AKR1A1: variants seen among roughly 807,000 people sequenced by gnomAD.
AKR1A1 encodes HEL-S-165mP.
AKR1A1 carries 26 observed loss-of-function variants against 39.2 expected under a neutral mutation model. The ratio of observed to expected loss-of-function variants is 0.66; its 90% CI spans 0.49 to 0.92. The LOEUF (loss-of-function observed/expected upper bound fraction) is 0.92. Ranked by LOEUF, AKR1A1 falls within the 40% of genes least tolerant of loss-of-function variation. The pLI is 0.00. For missense variants in AKR1A1, 378 were observed against 406.5 expected, an observed-to-expected ratio of 0.93 and a Z score of 0.60; for synonymous variants, 141 against 155.5, an observed-to-expected ratio of 0.91 and a Z score of 0.69.
chr1:45,561,267 C>T (rs1192354626), intron 1 of AKR1A1, among the ~76,000 whole-genome samples: 1 of 152,176 alleles, frequency 6.6e-6, no homozygotes, highest in African/African-American at 2.4e-5. Flanking sequence ...GAAGGGCAGC[C>T]AGGCTGGTGG....
chr1:45,561,751 C>G (rs1387653868), intron 1 of AKR1A1, 38 bp from the exon 2 acceptor site: 1 of 1,599,968 alleles, frequency 6.3e-7, no homozygotes, highest in Non-Finnish European at 8.6e-7. Context: ...AACAACAGCA[C>G]TAACCCCAAC....
chr1:45,557,146 C>T (rs868137268), intron 1 of AKR1A1, among the ~76,000 whole-genome samples: 29 of 151,932 alleles, frequency 1.9e-4, no homozygotes, highest in Middle Eastern at 6.8e-3. Flanking sequence ...GCCAAGATCG[C>T]GCCATTGCAC....
intron 6 of AKR1A1, 27 bp downstream of exon 6, chr1:45,568,711 C>T: frequency 3.1e-6 from 5 of 1,612,006 alleles, no homozygotes; most frequent in Non-Finnish European, 4.2e-6. Flanking sequence ...GGGAGAGGGC[C>T]CTGGGTTGGG....
intron 2 of AKR1A1, among the ~76,000 whole-genome samples, chr1:45,564,984 A>G (rs1299621663): frequency 6.6e-6 from 1 of 151,344 alleles, no homozygotes; most frequent in Admixed American, 6.6e-5. Context: ...TACCACGCCC[A>G]GCTAATTTTT....
intron 1 of AKR1A1, among the ~76,000 whole-genome samples, chr1:45,554,782 C>G (rs1304224173): frequency 2.0e-5 from 3 of 152,154 alleles, no homozygotes; most frequent in Non-Finnish European, 4.4e-5. Context: ...CCTCTGCCCC[C>G]CAGGCTCAAG....
chr1:45,553,203 C>G lies in AKR1A1; in HGVS notation c.-7+2048C>G, dbSNP rs183932656. Among the ~76,000 whole-genome samples the G allele has an allele frequency of 9.9e-5, 15 of 151,836 alleles. No homozygotes were observed. The East Asian group carries it at 1.4e-3, about 14-fold the overall frequency. On this transcript the variant is annotated intron_variant, in intron 1 of 8. Transcript: ENST00000351829. ...CTTCGGGAGGCTGAGGCGGGCAGATCACGAGGTCAAGAGATGGAGACCATC... is the reference window on the plus strand; with the variant it reads ...CTTCGGGAGGCTGAGGCGGGCAGATGACGAGGTCAAGAGATGGAGACCATC...
Position 45,565,368 on chromosome 1 carries a change from G to C in AKR1A1, c.85-1201G>C, listed in dbSNP as rs561063871. ...TGGTCTCAAACTCCCGACCTCAGGT[G>C]ATCCACCCACCTCGGCCTCCCAAAG... On this transcript the variant is annotated intron_variant, in intron 2 of 8. Transcript: ENST00000351829. Among the ~76,000 whole-genome samples, 152 of 151,986 alleles carry C rather than the reference G, an allele frequency of 1.0e-3. 2 individuals are homozygous for C. Among genetic ancestry groups the C allele is most frequent in the African/African-American group, 3.6e-3 (150 of 41,460 alleles).
intron 8 of AKR1A1, 128 bp downstream of exon 8, chr1:45,569,357 ACATAGTGCCCT>A (rs1250508883): frequency 1.2e-5 from 9 of 755,678 alleles, no homozygotes; most frequent in Non-Finnish European, 1.8e-5. Context: ...GCTATGCTGG[ACATAGTGCCCT>A]CATTTCTCTT....
At chr1:45,561,739 T>C in intron 1 of AKR1A1, 50 bp from the exon 2 acceptor site, 1 of 1,579,518 alleles carries the variant, frequency 6.3e-7, no homozygotes, top group South Asian at 1.1e-5. Context: ...ATCTGAGACC[T>C]GAACAACAGC....
chr1:45,566,864 A>G lies in AKR1A1; in HGVS notation c.205-5A>G, dbSNP rs1372411673. Reference sequence around the variant, plus strand: ...TCTCACTGTGGGCCCTGCCCCCTGCACTAGGCGGTGCCTCGGGAGGAGCTG... The same window carrying G: ...TCTCACTGTGGGCCCTGCCCCCTGCGCTAGGCGGTGCCTCGGGAGGAGCTG... On this transcript the variant is annotated splice_polypyrimidine_tract_variant and splice_region_variant and intron_variant, in intron 3 of 8. Transcript: ENST00000351829. 2 of 1,613,676 alleles carry G rather than the reference A, an allele frequency of 1.2e-6. No individual in the cohort carries two copies. The highest frequency in any genetic ancestry group is 1.1e-5 in the South Asian group (1 of 91,030).
intron 1 of AKR1A1, among the ~76,000 whole-genome samples, chr1:45,552,862 T>C (rs529848604): frequency 6.6e-6 from 1 of 152,228 alleles, no homozygotes; most frequent in East Asian, 1.9e-4. Flanking sequence ...CAGTGGCTCA[T>C]GCCTGTAATC....
intron 1 of AKR1A1, among the ~76,000 whole-genome samples, chr1:45,557,927 T>TTTTTTTTTTTTTTA (rs1644227267): frequency 3.4e-5 from 5 of 148,248 alleles, no homozygotes; most frequent in East Asian, 2.0e-4. Flanking sequence ...TTTTTTTTTT[T>TTTTTTTTTTTTTTA]GAGATGGAGC....
At position 45,568,681 on chromosome 1, in the gene AKR1A1, T is replaced by C; in HGVS notation, c.749T>C (p.Leu250Pro). 1 of 1,613,406 alleles carries C rather than the reference T, an allele frequency of 6.2e-7. No individual in the cohort carries two copies. The highest frequency in any genetic ancestry group is 8.5e-7 in the Non-Finnish European group (1 of 1,179,876). ...KYGRSPAQIL[L>P]RWQVQRKVIC... ...GGCCGATCTCCAGCTCAGATCTTGCTCAGGTATGGGGCAGTCTTAGGGAGA... is the reference window on the plus strand; with the variant it reads ...GGCCGATCTCCAGCTCAGATCTTGCCCAGGTATGGGGCAGTCTTAGGGAGA... Residue 250 changes from leucine (L) to proline (P), a missense_variant, in exon 6 of 9, where the codon CTC becomes CCC. By Grantham distance (98) the Leu-to-Pro change is moderately conservative. Coordinates refer to ENST00000351829, the MANE Select transcript of AKR1A1 (RefSeq NM_153326.3).
intron 2 of AKR1A1, among the ~76,000 whole-genome samples, chr1:45,563,042 G>A (rs1025170353): frequency 6.6e-6 from 1 of 151,820 alleles, no homozygotes; most frequent in Admixed American, 6.6e-5. Context: ...CCTGGAAGTC[G>A]AGGCTGCAGT....
At chr1:45,558,951 G>A (rs1196265971) in intron 1 of AKR1A1, among the ~76,000 whole-genome samples, 1 of 152,220 alleles carries the variant, frequency 6.6e-6, no homozygotes. Flanking sequence ...TGGTACTGAT[G>A]AGATCAAGGG....
chr1:45,551,532 G>A (rs1644130817), intron 1 of AKR1A1, among the ~76,000 whole-genome samples: 1 of 152,192 alleles, frequency 6.6e-6, no homozygotes, highest in Non-Finnish European at 1.5e-5. Flanking sequence ...GTTCTCAGAA[G>A]TGGGGAGAAG....
At chr1:45,563,554 C>G (rs1267685447) in intron 2 of AKR1A1, among the ~76,000 whole-genome samples, 3 of 152,154 alleles carry the variant, frequency 2.0e-5, no homozygotes, top group Non-Finnish European at 2.9e-5. Flanking sequence ...CTTTGGGAGG[C>G]TGAGGCAGGC....
chr1:45,562,359 C>G (rs1200619904), intron 2 of AKR1A1, among the ~76,000 whole-genome samples: 4 of 135,138 alleles, frequency 3.0e-5, no homozygotes, highest in South Asian at 2.3e-4. Flanking sequence ...TTTTTTTACT[C>G]GAGACAGGGT....
chr1:45,567,138 G>A (rs1644354676), intron 4 of AKR1A1, 118 bp downstream of exon 4: 1 of 1,360,864 alleles, frequency 7.3e-7, no homozygotes, highest in South Asian at 1.4e-5. Context: ...ATGCCAAGCT[G>A]AGGAGCTTGA....
Sources: gnomAD v4.1 joint callset for allele counts (sites outside exome capture counted in the v4.1 genomes callset) on GRCh38, gnomAD v4.1.1 for gene constraint, MANE v1.5 for transcripts, NCBI Gene and HGNC (gene_info 2026-07-23, HGNC 2026-07-21) for gene names.